Variants in EVI5 observed in about 807,000 individuals in gnomAD.
The protein encoded by EVI5 is ecotropic viral integration site 5, also known as ecotropic viral integration site 5 protein homolog.
Under a neutral mutation model 112.0 loss-of-function variants are expected in EVI5, and 73 were observed. The observed-to-expected ratio is 0.65, with a 90% CI of 0.54 to 0.79. EVI5 has a LOEUF of 0.79. Among genes scored for constraint, EVI5 ranks in the 30% least tolerant of loss-of-function variants. EVI5 has a pLI of 0.00. For synonymous variants in EVI5, 305 were observed against 319.9 expected (o/e 0.95, Z 0.50); for missense variants, 900 against 968.8 (o/e 0.93, Z 0.94).
At chr1:92,590,008 C>G (rs931735881) in intron 18 of EVI5, among the ~76,000 whole-genome samples, 1 of 152,232 alleles carries the variant, frequency 6.6e-6, no homozygotes, top group Non-Finnish European at 1.5e-5. Context: ...CAAACAGGGT[C>G]TGGAGTGGAC....
At chr1:92,770,579 A>T (rs921682850) in intron 1 of EVI5, among the ~76,000 whole-genome samples, 7 of 152,068 alleles carry the variant, frequency 4.6e-5, no homozygotes, top group African/African-American at 1.7e-4. Context: ...TCACGAGGTC[A>T]GGAGATCAAG....
At chr1:92,518,034 A>T (rs149712901) in intron 19 of EVI5, among the ~76,000 whole-genome samples, 300 of 152,014 alleles carry the variant, frequency 2.0e-3, no homozygotes, top group Middle Eastern at 0.01. Flanking sequence ...AGTAGCTGGG[A>T]CTACAGGTGC....
At chr1:92,557,202 GT>G (rs1275209957) in intron 19 of EVI5, among the ~76,000 whole-genome samples, 1 of 151,778 alleles carries the variant, frequency 6.6e-6, no homozygotes, top group Non-Finnish European at 1.5e-5. Flanking sequence ...ATCTACCTGA[GT>G]TTTATTTTGT....
At chr1:92,716,030 C>G (rs954512051) in intron 2 of EVI5, among the ~76,000 whole-genome samples, 23 of 152,284 alleles carry the variant, frequency 1.5e-4, no homozygotes, top group African/African-American at 5.1e-4. Flanking sequence ...CTCTGGGGGG[C>G]AAGGTGTAGC....
intron 2 of EVI5, among the ~76,000 whole-genome samples, chr1:92,723,030 A>G (rs914778366): frequency 3.9e-5 from 6 of 152,218 alleles, no homozygotes; most frequent in Admixed American, 1.3e-4. Context: ...CTGGGGCTCA[A>G]TTAAGCCAGA....
intron 1 of EVI5, among the ~76,000 whole-genome samples, chr1:92,771,698 C>T (rs1683433907): frequency 6.6e-6 from 1 of 151,708 alleles, no homozygotes; most frequent in Non-Finnish European, 1.5e-5. Flanking sequence ...TCTCCACCTC[C>T]CAAGGTTCAA....
chr1:92,719,240 G>GA (rs907587826), intron 2 of EVI5, among the ~76,000 whole-genome samples: 1 of 151,578 alleles, frequency 6.6e-6, no homozygotes, highest in Non-Finnish European at 1.5e-5. Flanking sequence ...GAGACACGAT[G>GA]AAAAAAAGAG....
intron 18 of EVI5, among the ~76,000 whole-genome samples, chr1:92,566,501 T>A (rs1046265746): frequency 1.6e-4 from 25 of 152,264 alleles, no homozygotes; most frequent in Non-Finnish European, 1.3e-4. Context: ...TATACAATTA[T>A]GCACAGTGGA....
At chr1:92,548,829 G>A (rs1314417224) in intron 19 of EVI5, among the ~76,000 whole-genome samples, 1 of 152,118 alleles carries the variant, frequency 6.6e-6, no homozygotes, top group Non-Finnish European at 1.5e-5. Flanking sequence ...ACAAACCACT[G>A]CTCAACGAAA....
At chr1:92,549,287 C>T (rs1395503172) in intron 19 of EVI5, among the ~76,000 whole-genome samples, 1 of 152,160 alleles carries the variant, frequency 6.6e-6, no homozygotes, top group Admixed American at 6.5e-5. Context: ...GGAAAACTGG[C>T]TAGCCATATG....
chr1:92,750,905 C>T (rs1472220600), intron 1 of EVI5, among the ~76,000 whole-genome samples: 1 of 152,190 alleles, frequency 6.6e-6, no homozygotes, highest in African/African-American at 2.4e-5. Context: ...AATCCCAGCA[C>T]TTTGGGAGGC....
intron 1 of EVI5, among the ~76,000 whole-genome samples, chr1:92,772,157 A>C (rs1421331365): frequency 3.3e-5 from 5 of 151,432 alleles, no homozygotes; most frequent in Non-Finnish European, 7.4e-5. Context: ...CGGCCTGCCC[A>C]CTGTACCAGA....
At chr1:92,698,728 G>A (rs1670682997) in intron 5 of EVI5, among the ~76,000 whole-genome samples, 1 of 152,204 alleles carries the variant, frequency 6.6e-6, no homozygotes, top group Admixed American at 6.5e-5. Context: ...AAGTGAGAGA[G>A]AGGGATTTTT....
At chr1:92,521,517 C>T (rs1660926794) in intron 19 of EVI5, among the ~76,000 whole-genome samples, 1 of 151,986 alleles carries the variant, frequency 6.6e-6, no homozygotes, top group East Asian at 1.9e-4. Flanking sequence ...ATGTTGAAAC[C>T]CTGTCTCTAC....
At chr1:92,704,455 C>G in intron 3 of EVI5, 100 bp downstream of exon 3, 1 of 682,510 alleles carries the variant, frequency 1.5e-6, no homozygotes, top group Non-Finnish European at 2.4e-6. Flanking sequence ...TAATATATAG[C>G]TTGGAAGTTG....
chr1:92,542,168 C>T (rs1469725265), intron 19 of EVI5, among the ~76,000 whole-genome samples: 1 of 152,216 alleles, frequency 6.6e-6, no homozygotes, highest in Non-Finnish European at 1.5e-5. Flanking sequence ...CCTGCCACTG[C>T]TTTATCAACT....
intron 14 of EVI5, among the ~76,000 whole-genome samples, chr1:92,629,420 C>A (rs1396553186): frequency 6.6e-6 from 1 of 152,154 alleles, no homozygotes; most frequent in African/African-American, 2.4e-5. Context: ...AATAAATTTA[C>A]AGATAAGGAA....
At chr1:92,662,911 C>G in intron 12 of EVI5, 46 bp from the exon 13 acceptor site, 1 of 1,067,238 alleles carries the variant, frequency 9.4e-7, no homozygotes, top group South Asian at 1.7e-5. Flanking sequence ...AGGATAGATT[C>G]AAGAAAGACT....
Position 92,509,646 on chromosome 1 carries a change from T to G in EVI5, c.*4010A>C, listed in dbSNP as rs202035104. The G allele has an allele frequency of 1.5e-4, 23 of 152,210 alleles. No individual in the cohort carries two copies. The highest frequency in any genetic ancestry group is 5.3e-4 in the African/African-American group (22 of 41,444). 9.4% of individuals were successfully genotyped at this position (152,210 alleles called of 1,614,324 possible). A position where few individuals can be genotyped will look rare whatever the true frequency, so the allele number is the denominator to read the frequency against. On this transcript the variant is annotated 3_prime_UTR_variant, in exon 20 of 20. Transcript: ENST00000684568. ...CCTCAGCCTCTTGAGTAGGTGGGAC[T>G]ATAGGAGTGTGCCAATTTCTAAAAA...
Sources: gnomAD v4.1 joint callset for allele counts (sites outside exome capture counted in the v4.1 genomes callset) on GRCh38, gnomAD v4.1.1 for gene constraint, MANE v1.5 for transcripts, NCBI Gene and HGNC (gene_info 2026-07-23, HGNC 2026-07-21) for gene names.